FAM83A: variants seen among roughly 807,000 people sequenced by gnomAD.
FAM83A encodes the protein protein FAM83A.
FAM83A carries 21 observed loss-of-function variants against 24.4 expected under a neutral mutation model. That is an observed-to-expected ratio of 0.86 (90% CI 0.61 to 1.24). The LOEUF (loss-of-function observed/expected upper bound fraction) is 1.24, where lower values mean the gene tolerates loss of function less well. FAM83A is among the 50% of genes most tolerant of loss of function. FAM83A has a pLI of 0.00. For synonymous variants in FAM83A, 270 were observed against 252.4 expected (o/e 1.07, Z -0.66); for missense variants, 617 against 579.8 (o/e 1.06, Z -0.66).
rs902081737 is a variant in FAM83A at position 123,209,115 on chromosome 8, G to A, written c.*1427G>A. 2.9e-6 allele frequency: 3 copies of A among 1,044,710 alleles called. No homozygotes were observed. Among genetic ancestry groups the A allele is most frequent in the Non-Finnish European group, 3.5e-6 (3 of 869,198 alleles). 64.7% of individuals were successfully genotyped at this position (1,044,710 alleles called of 1,614,324 possible). A position where few individuals can be genotyped will look rare whatever the true frequency, so the allele number is the denominator to read the frequency against. On this transcript the variant is annotated 3_prime_UTR_variant, in exon 4 of 4. Transcript: ENST00000690554. This position sits in a 1 kb window ranked among gnomAD's most constrained non-coding sequence, Gnocchi z 4.7. ...TCAGTGGTATGTGATCCAGGCTGGG[G>A]AGCCAGAGGGGAGCAGGTGCCAACT... is the stretch of plus-strand genomic sequence containing the variant.
At chr8:123,186,435 G>A (rs1229715553) in intron 1 of FAM83A, among the ~76,000 whole-genome samples, 1 of 152,204 alleles carries the variant, frequency 6.6e-6, no homozygotes, top group Non-Finnish European at 1.5e-5. Context: ...AGCGGAGCCG[G>A]AAGGGAACCA....
intron 1 of FAM83A, among the ~76,000 whole-genome samples, chr8:123,187,306 G>A (rs900533771): frequency 1.3e-5 from 2 of 152,124 alleles, no homozygotes; most frequent in African/African-American, 4.8e-5. Flanking sequence ...GAGGTCCCTG[G>A]GGCCCTTTCA....
At chr8:123,185,391 G>C (rs1352214212) in intron 1 of FAM83A, among the ~76,000 whole-genome samples, 2 of 152,200 alleles carry the variant, frequency 1.3e-5, no homozygotes, top group Non-Finnish European at 2.9e-5. Context: ...AGGAAGCCTG[G>C]TTAGGGCTTG....
intron 1 of FAM83A, among the ~76,000 whole-genome samples, chr8:123,187,594 T>C (rs1823847517): frequency 1.3e-5 from 2 of 150,936 alleles, no homozygotes; most frequent in African/African-American, 5.0e-5. Context: ...AAAATAACTA[T>C]TAATAGTAAA....
At chr8:123,186,221 GCACA>G (rs1280873499) in intron 1 of FAM83A, among the ~76,000 whole-genome samples, 2 of 152,072 alleles carry the variant, frequency 1.3e-5, no homozygotes, top group Non-Finnish European at 2.9e-5. Context: ...ATGCACATAT[GCACA>G]CACAAACACA....
At chr8:123,186,467 G>A (rs1563780184) in intron 1 of FAM83A, among the ~76,000 whole-genome samples, 1 of 152,204 alleles carries the variant, frequency 6.6e-6, no homozygotes, top group Non-Finnish European at 1.5e-5. Context: ...CAGCATGAGA[G>A]ATGTTTCCTG....
intron 2 of FAM83A, among the ~76,000 whole-genome samples, chr8:123,193,264 G>A (rs1824041256): frequency 1.3e-5 from 2 of 152,178 alleles, no homozygotes; most frequent in Admixed American, 6.5e-5. Flanking sequence ...TGGCTGCACC[G>A]AGCCTTCCCT....
rs185438484 is a variant in FAM83A, at chr8:123,200,623, C to A, written c.773+6475C>A. 2.6e-4 allele frequency among the ~76,000 whole-genome samples: 40 copies of A among 152,092 alleles called. No homozygotes were observed. In the East Asian group the frequency reaches 7.0e-3, roughly 27 times the overall value. ...CTTGAGGTCAGGAGTTTGAGACCAG[C>A]CAGGTCAACATGGTGAAACCCCATC... On this transcript the variant is annotated intron_variant, in intron 3 of 3. Coordinates refer to ENST00000690554, the Ensembl canonical transcript of FAM83A.
intron 3 of FAM83A, 21 bp downstream of exon 3, chr8:123,194,169 C>A: frequency 6.2e-7 from 1 of 1,613,182 alleles, no homozygotes; most frequent in Middle Eastern, 1.8e-4. Context: ...GATTCATCTC[C>A]TGTCAAGGAT....
intron 3 of FAM83A, among the ~76,000 whole-genome samples, chr8:123,205,227 G>T (rs1045742688): frequency 6.6e-6 from 1 of 152,206 alleles, no homozygotes; most frequent in African/African-American, 2.4e-5. Flanking sequence ...AGGTGCTGGG[G>T]ACCTGAGGAG....
In FAM83A at chr8:123,183,337, GTACCGA is replaced by G; in HGVS notation, c.480+3_480+8del. On this transcript the variant is annotated splice_donor_variant and splice_donor_5th_base_variant and intron_variant, in intron 1 of 3. Transcript: ENST00000690554. LOFTEE classifies it high-confidence loss of function. ...CCGCTGCATCACCCGGACTAGCCAGGTACCGATGGCAAAGCCCCTGTCTCCGTGGCC... is the reference window on the plus strand; with the variant it reads ...CCGCTGCATCACCCGGACTAGCCAGGTGGCAAAGCCCCTGTCTCCGTGGCC... 1 of 1,606,632 alleles carries G rather than the reference GTACCGA, an allele frequency of 6.2e-7. No homozygotes were observed. Among genetic ancestry groups the G allele is most frequent in the Non-Finnish European group, 8.5e-7 (1 of 1,175,384 alleles).
chr8:123,196,687 T>A (rs1824167450), intron 3 of FAM83A, among the ~76,000 whole-genome samples: 1 of 152,192 alleles, frequency 6.6e-6, no homozygotes, highest in Non-Finnish European at 1.5e-5. Flanking sequence ...ACATTTTGGT[T>A]CCTATTAAGT....
intron 3 of FAM83A, among the ~76,000 whole-genome samples, chr8:123,196,272 A>G (rs1824150090): frequency 6.6e-6 from 1 of 152,204 alleles, no homozygotes; most frequent in African/African-American, 2.4e-5. Context: ...TCAGCCCCCC[A>G]AAGTGCAGGG....
chr8:123,182,084 C>T, upstream of FAM83A: 1 of 456,296 alleles, frequency 2.2e-6, no homozygotes, highest in Non-Finnish European at 4.4e-6. Flanking sequence ...GCTCGTTCTC[C>T]AGACAGTGTT....
chr8:123,187,570 A>G (rs182861111), intron 1 of FAM83A, among the ~76,000 whole-genome samples: 2 of 152,238 alleles, frequency 1.3e-5, no homozygotes, highest in Non-Finnish European at 2.9e-5. Context: ...CGATGGGCTT[A>G]TTACTGATAT....
chr8:123,192,342 T>C (rs752050519), intron 2 of FAM83A, among the ~76,000 whole-genome samples: 1 of 152,132 alleles, frequency 6.6e-6, no homozygotes, highest in Non-Finnish European at 1.5e-5. Context: ...ATCTCTGCCA[T>C]GTACTCCAGT....
intron 3 of FAM83A, among the ~76,000 whole-genome samples, chr8:123,206,103 A>ATTGCACTC (rs1269109005): frequency 2.0e-5 from 3 of 151,274 alleles, no homozygotes; most frequent in Middle Eastern, 3.4e-3. Flanking sequence ...AGATCGCACC[A>ATTGCACTC]TTGCACTCCA....
upstream of FAM83A, chr8:123,179,141 A>T (rs1489167298): frequency 6.6e-6 from 1 of 152,174 alleles, no homozygotes; most frequent in Non-Finnish European, 1.5e-5. Flanking sequence ...CCTTCAGGTG[A>T]GGACTTCTCT....
At position 123,205,971 on chromosome 8, in the gene FAM83A, T is replaced by C. The variant is rs374567315; in HGVS notation, c.774-1186T>C. On this transcript the variant is annotated intron_variant, in intron 3 of 3. Coordinates refer to ENST00000690554, the Ensembl canonical transcript of FAM83A. ...CAGCCTGGCCAACATGGTGAACCCC[T>C]GTCTCTACTAAAAATACAAAAATTA... 1.5e-3 allele frequency among the ~76,000 whole-genome samples: 221 copies of C among 152,028 alleles called. 1 individual carries two copies. The highest frequency in any genetic ancestry group is 5.0e-3 in the African/African-American group (206 of 41,492).
Sources: gnomAD v4.1 joint callset for allele counts (sites outside exome capture counted in the v4.1 genomes callset) on GRCh38, gnomAD v4.1.1 for gene constraint, Gnocchi (gnomAD v3.1) non-coding constraint, MANE v1.5 for transcripts, NCBI Gene and HGNC (gene_info 2026-07-23, HGNC 2026-07-21) for gene names.